Variants in ERC1 observed in about 807,000 individuals in gnomAD.
ERC1 encodes ELKS/RAB6-interacting/CAST family member 1.
In ERC1, 56 loss-of-function variants were observed where a neutral mutation model predicts 132.0. That is an observed-to-expected ratio of 0.42 (90% CI 0.34 to 0.53). ERC1 has a LOEUF of 0.53. Ranked by LOEUF, ERC1 falls within the 20% of genes least tolerant of loss-of-function variation. The probability of loss-of-function intolerance (pLI) is 0.03; values close to 1 mark genes in which losing one functional copy is unlikely to be tolerated. For missense variants in ERC1, 1,202 were observed against 1,349.9 expected (o/e 0.89, Z 1.72); for synonymous variants, 478 against 476.1 (o/e 1.00, Z -0.05).
intron 15 of ERC1, among the ~76,000 whole-genome samples, chr12:1,322,196 CATA>C (rs759490879): frequency 1.4e-5 from 2 of 142,526 alleles, no homozygotes; most frequent in Admixed American, 6.9e-5. Flanking sequence ...TTAAAATGAG[CATA>C]ATAATAACTA....
intron 17 of ERC1, among the ~76,000 whole-genome samples, chr12:1,438,946 T>TAA (rs145056944): frequency 6.2e-5 from 9 of 144,724 alleles, no homozygotes; most frequent in African/African-American, 1.8e-4. Flanking sequence ...TGTCTCAATT[T>TAA]AAAAAAAAAT....
intron 2 of ERC1, among the ~76,000 whole-genome samples, chr12:1,051,915 G>T (rs112443754): frequency 1.8e-3 from 89 of 50,552 alleles, no homozygotes; most frequent in African/African-American, 6.2e-3. Flanking sequence ...CCTTATGATC[G>T]CCTCTGCTCC....
chr12:1,392,472 A>G (rs1358172931), intron 16 of ERC1, among the ~76,000 whole-genome samples: 1 of 152,138 alleles, frequency 6.6e-6, no homozygotes, highest in Non-Finnish European at 1.5e-5. Flanking sequence ...TTAAGTTATA[A>G]TTTTCATTAC....
intron 2 of ERC1, among the ~76,000 whole-genome samples, chr12:1,039,163 T>C (rs980472610): frequency 6.6e-6 from 1 of 151,636 alleles, no homozygotes; most frequent in African/African-American, 2.4e-5. Flanking sequence ...GGTGAAACCC[T>C]GTCTCTACTA....
At chr12:1,269,922 G>A (rs1356068988) in intron 14 of ERC1, among the ~76,000 whole-genome samples, 2 of 152,014 alleles carry the variant, frequency 1.3e-5, no homozygotes, top group South Asian at 2.1e-4. Flanking sequence ...GTTAACAAAG[G>A]GACAATTCAG....
intron 13 of ERC1, among the ~76,000 whole-genome samples, chr12:1,241,357 A>G (rs2075777919): frequency 6.6e-6 from 1 of 152,192 alleles, no homozygotes; most frequent in Admixed American, 6.5e-5. Flanking sequence ...ATCTTTTCAT[A>G]TCACCTCCTT....
chr12:1,139,839 G>A (rs990136117), intron 7 of ERC1, among the ~76,000 whole-genome samples: 1 of 151,988 alleles, frequency 6.6e-6, no homozygotes, highest in African/African-American at 2.4e-5. Flanking sequence ...TCATGCTATG[G>A]ACAAAGGGTA....
At chr12:1,158,899 A>G (rs1022968097) in intron 8 of ERC1, among the ~76,000 whole-genome samples, 1 of 152,156 alleles carries the variant, frequency 6.6e-6, no homozygotes, top group South Asian at 2.1e-4. Flanking sequence ...CATTTCAGAG[A>G]TACAAAAATG....
intron 18 of ERC1, among the ~76,000 whole-genome samples, chr12:1,483,847 CAT>C (rs917583785): frequency 6.6e-6 from 1 of 151,758 alleles, no homozygotes; most frequent in Non-Finnish European, 1.5e-5. Flanking sequence ...CTCACCACCA[CAT>C]GTGACCGATT....
intron 15 of ERC1, among the ~76,000 whole-genome samples, chr12:1,335,316 G>A (rs951070678): frequency 6.6e-6 from 1 of 152,114 alleles, no homozygotes; most frequent in Non-Finnish European, 1.5e-5. Context: ...AGTTTTTCAA[G>A]GGGAATGCCT....
chr12:1,419,641 C>G (rs971432704), intron 17 of ERC1, among the ~76,000 whole-genome samples: 7 of 151,198 alleles, frequency 4.6e-5, no homozygotes, highest in African/African-American at 1.7e-4. Flanking sequence ...TTGTGAAAAA[C>G]CAAAGTAATG....
chr12:1,469,703 A>G (rs970868339), intron 18 of ERC1, among the ~76,000 whole-genome samples: 6 of 152,182 alleles, frequency 3.9e-5, no homozygotes, highest in Non-Finnish European at 8.8e-5. Flanking sequence ...ACCCTTCTTC[A>G]CCTAAGTAAA....
intron 12 of ERC1, among the ~76,000 whole-genome samples, chr12:1,210,849 G>C (rs1251281397): frequency 2.0e-5 from 3 of 152,076 alleles, no homozygotes; most frequent in Non-Finnish European, 4.4e-5. Context: ...ACAAAAATTA[G>C]TTGGGTGTGG....
At position 1,267,711 on chromosome 12, in the gene ERC1, A is replaced by G. The variant is rs1359233700; in HGVS notation, c.2619+4546A>G. 2.0e-5 allele frequency among the ~76,000 whole-genome samples: 3 copies of G among 152,330 alleles called. No individual in the cohort carries two copies. The East Asian group carries it at 5.8e-4, about 29-fold the overall frequency. ...TAGGAGTTTGAGGCTGCAGTGAGCC[A>G]TGATTGTACCACTGCATCCCAGTCT... On this transcript the variant is annotated intron_variant, in intron 14 of 18. Coordinates refer to ENST00000360905, the MANE Select transcript of ERC1 (RefSeq NM_178040.4).
chr12:1,251,439 G>A (rs374876511), intron 13 of ERC1, among the ~76,000 whole-genome samples: 33 of 151,844 alleles, frequency 2.2e-4, no homozygotes, highest in African/African-American at 3.9e-4. Flanking sequence ...GAATATTGTC[G>A]TAGGTGAGTT....
chr12:1,281,272 A>G (rs1175017388), intron 14 of ERC1, among the ~76,000 whole-genome samples: 1 of 152,184 alleles, frequency 6.6e-6, no homozygotes, highest in Non-Finnish European at 1.5e-5. Context: ...CAAAACCTGG[A>G]CAAATTATAT....
chr12:1,264,946 T>C (rs75113860), intron 14 of ERC1, among the ~76,000 whole-genome samples: 2,125 of 152,238 alleles, frequency 0.014, 51 homozygotes, highest in African/African-American at 0.048. Context: ...TAGAAAGATA[T>C]GGTTTCTTTT....
chr12:1,149,268 C>T (rs1161900244), intron 8 of ERC1, among the ~76,000 whole-genome samples: 1 of 152,038 alleles, frequency 6.6e-6, no homozygotes, highest in Admixed American at 6.6e-5. Flanking sequence ...GAACAAAGGT[C>T]AAAACAGCAT....
At chr12:1,266,855 G>A (rs988414778) in intron 14 of ERC1, among the ~76,000 whole-genome samples, 1 of 152,080 alleles carries the variant, frequency 6.6e-6, no homozygotes, top group African/African-American at 2.4e-5. Context: ...AAAGTTACCT[G>A]TTTCTCACTT....
Sources: gnomAD v4.1 joint callset for allele counts (sites outside exome capture counted in the v4.1 genomes callset) on GRCh38, gnomAD v4.1.1 for gene constraint, MANE v1.5 for transcripts, NCBI Gene and HGNC (gene_info 2026-07-23, HGNC 2026-07-21) for gene names.